The following INPP4B variants were observed in gnomAD, a reference collection of about 807,000 sequenced individuals.
INPP4B encodes the protein inositol polyphosphate 4-phosphatase type II.
A neutral mutation model predicts 122.5 loss-of-function variants in INPP4B; 55 were observed. The observed-to-expected ratio is 0.45, with a 90% CI of 0.36 to 0.56. The LOEUF is 0.56. Among genes scored for constraint, INPP4B ranks in the 20% least tolerant of loss-of-function variants. The pLI is 0.00. For missense variants in INPP4B, 1,000 were observed against 1,097.7 expected, an observed-to-expected ratio of 0.91 and a Z score of 1.26; for synonymous variants, 403 against 388.7, an observed-to-expected ratio of 1.04 and a Z score of -0.43.
chr4:142,765,241 T>C (rs1301400599), intron 1 of INPP4B, among the ~76,000 whole-genome samples: 4 of 152,218 alleles, frequency 2.6e-5, no homozygotes. Flanking sequence ...TTTTAAAAGA[T>C]TAAGCATGGA....
chr4:142,506,808 A>C (rs1426138657), intron 2 of INPP4B, among the ~76,000 whole-genome samples: 1 of 152,194 alleles, frequency 6.6e-6, no homozygotes, highest in Non-Finnish European at 1.5e-5. Flanking sequence ...TGACAGTCCT[A>C]ATATCCAATG....
intron 5 of INPP4B, among the ~76,000 whole-genome samples, chr4:142,425,797 C>T (rs1049451004): frequency 6.6e-6 from 1 of 151,982 alleles, no homozygotes; most frequent in African/African-American, 2.4e-5. Flanking sequence ...TATATACAGG[C>T]TTTCTATGCC....
chr4:142,703,948 C>T (rs185904277), intron 2 of INPP4B, among the ~76,000 whole-genome samples: 11 of 152,290 alleles, frequency 7.2e-5, no homozygotes, highest in Middle Eastern at 3.4e-3. Context: ...TATCCAAAAT[C>T]TGGCACTTAA....
At chr4:142,267,899 C>T (rs1743593483) in intron 10 of INPP4B, among the ~76,000 whole-genome samples, 1 of 152,024 alleles carries the variant, frequency 6.6e-6, no homozygotes, top group Non-Finnish European at 1.5e-5. Flanking sequence ...CTAAAAAACA[C>T]TCGCAAAAGA....
chr4:142,519,487 G>A (rs1489158951), intron 2 of INPP4B, among the ~76,000 whole-genome samples: 22 of 152,106 alleles, frequency 1.4e-4, no homozygotes, highest in Admixed American at 1.2e-3. Flanking sequence ...GCAGAATTGA[G>A]TTGTTTCATA....
chr4:142,159,080 A>G (rs530854183), intron 17 of INPP4B, among the ~76,000 whole-genome samples: 1 of 152,144 alleles, frequency 6.6e-6, no homozygotes, highest in African/African-American at 2.4e-5. Flanking sequence ...ACATATAACA[A>G]TAATACTAAA....
chr4:142,093,304 T>C (rs898171548), intron 23 of INPP4B, among the ~76,000 whole-genome samples: 2 of 152,150 alleles, frequency 1.3e-5, no homozygotes, highest in African/African-American at 4.8e-5. Context: ...CTGAAGGTCA[T>C]GGACATCATG....
chr4:142,327,920 T>A (rs1321217124), intron 7 of INPP4B, among the ~76,000 whole-genome samples: 6 of 152,192 alleles, frequency 3.9e-5, no homozygotes, highest in Non-Finnish European at 7.3e-5. Flanking sequence ...AACCAATGCA[T>A]TTAACCCTCT....
At chr4:142,294,235 C>T (rs1757606611) in intron 9 of INPP4B, among the ~76,000 whole-genome samples, 1 of 152,132 alleles carries the variant, frequency 6.6e-6, no homozygotes, top group African/African-American at 2.4e-5. Context: ...TAAAACCTCA[C>T]TGGAAGCAGT....
chr4:142,624,729 T>G (rs1004201415), intron 2 of INPP4B, among the ~76,000 whole-genome samples: 1 of 152,166 alleles, frequency 6.6e-6, no homozygotes. Flanking sequence ...GAAAAAATCC[T>G]CAATAAAATA....
chr4:142,265,053 T>C (rs561462971), intron 10 of INPP4B, among the ~76,000 whole-genome samples: 9 of 151,696 alleles, frequency 5.9e-5, no homozygotes, highest in African/African-American at 1.9e-4. Flanking sequence ...TCTGAGAAGG[T>C]AGCAAGAAGG....
intron 1 of INPP4B, among the ~76,000 whole-genome samples, chr4:142,741,440 C>T (rs1054127262): frequency 6.6e-6 from 1 of 151,864 alleles, no homozygotes; most frequent in Non-Finnish European, 1.5e-5. Flanking sequence ...GATATCTGCC[C>T]CCATGATCCA....
rs146446071 is a variant in INPP4B, at chr4:142,691,039, C to T, written c.-191+34800G>A. Among the ~76,000 whole-genome samples the T allele has an allele frequency of 2.2e-3, 330 of 152,258 alleles. 1 individual carries two copies. Among genetic ancestry groups the T allele is most frequent in the African/African-American group, 7.1e-3 (295 of 41,548 alleles). On this transcript the variant is annotated intron_variant, in intron 2 of 25. Transcript: ENST00000262992. ...CAGCCTGTGATGACCAGCTGACCTG[C>T]AGAACTTGACAGCACTAAGAACTCG... is the stretch of plus-strand genomic sequence containing the variant.
intron 14 of INPP4B, among the ~76,000 whole-genome samples, chr4:142,197,773 A>G (rs933048692): frequency 6.6e-6 from 1 of 152,202 alleles, no homozygotes; most frequent in Admixed American, 6.5e-5. Flanking sequence ...TTTAATTTTC[A>G]AAATAATACT....
At chr4:142,628,291 C>A (rs55745141) in intron 2 of INPP4B, among the ~76,000 whole-genome samples, 20 of 146,858 alleles carry the variant, frequency 1.4e-4, no homozygotes, top group Non-Finnish European at 7.5e-5. Flanking sequence ...AATCATCATT[C>A]TCAGTAAACT....
intron 14 of INPP4B, among the ~76,000 whole-genome samples, chr4:142,206,059 T>A (rs1842470735): frequency 6.6e-6 from 1 of 152,158 alleles, no homozygotes; most frequent in Non-Finnish European, 1.5e-5. Context: ...TGGTATCTGA[T>A]AACAGCCTTC....
At position 142,241,967 on chromosome 4, in the gene INPP4B, G is replaced by A. The variant is rs1859622029; in HGVS notation, c.689-3956C>T. On this transcript the variant is annotated intron_variant, in intron 11 of 25. Transcript: ENST00000262992. ...ATGAATCCAACTTGATTGGCTTCAG[G>A]CAGTACATTCATTATTTTACTACAC... Among the ~76,000 whole-genome samples, 7 of 152,266 alleles carry A rather than the reference G, an allele frequency of 4.6e-5. No homozygotes were observed. The South Asian group carries it at 1.5e-3, about 32-fold the overall frequency.
intron 23 of INPP4B, among the ~76,000 whole-genome samples, chr4:142,094,597 C>T (rs1781046372): frequency 6.6e-6 from 1 of 152,130 alleles, no homozygotes; most frequent in Non-Finnish European, 1.5e-5. Flanking sequence ...AGATGACAGC[C>T]CAGGGAGGCA....
intron 8 of INPP4B, among the ~76,000 whole-genome samples, chr4:142,312,711 G>C (rs1224181385): frequency 3.3e-5 from 5 of 152,172 alleles, no homozygotes; most frequent in Non-Finnish European, 7.3e-5. Flanking sequence ...CACAACAAGT[G>C]GTTGTGGAAT....
Sources: gnomAD v4.1 joint callset for allele counts (sites outside exome capture counted in the v4.1 genomes callset) on GRCh38, gnomAD v4.1.1 for gene constraint, MANE v1.5 for transcripts, NCBI Gene and HGNC (gene_info 2026-07-23, HGNC 2026-07-21) for gene names.